The following RAB20 variants were observed in gnomAD, a reference collection of about 807,000 sequenced individuals.
RAB20 encodes the protein RAB20, member RAS oncogene family, also known as ras-related protein Rab-20.
Under a neutral mutation model 3.7 loss-of-function variants are expected in RAB20, and 2 were observed. The observed-to-expected ratio is 0.54, with a 90% confidence interval of 0.22 to 1.69. The LOEUF (loss-of-function observed/expected upper bound fraction) is 1.69, where lower values mean the gene tolerates loss of function less well. RAB20 is among the 40% of genes most tolerant of loss of function. The probability of loss-of-function intolerance (pLI) is 0.19; values close to 1 mark genes in which losing one functional copy is unlikely to be tolerated. For missense variants in RAB20, 276 were observed against 311.9 expected (o/e 0.88, Z 0.87); for synonymous variants, 126 against 130.8 (o/e 0.96, Z 0.25).
chr13:110,552,316 T>G (rs1024112786), intron 1 of RAB20, among the ~76,000 whole-genome samples: 14 of 150,272 alleles, frequency 9.3e-5, no homozygotes, highest in African/African-American at 2.7e-4. Flanking sequence ...GAGGCAGAGG[T>G]TGCAGTGAGC....
At chr13:110,529,165 G>A (rs1232544319) in intron 1 of RAB20, among the ~76,000 whole-genome samples, 4 of 152,236 alleles carry the variant, frequency 2.6e-5, no homozygotes, top group South Asian at 2.1e-4. Flanking sequence ...AAATAAAATG[G>A]TGTCACTACA....
intron 1 of RAB20, among the ~76,000 whole-genome samples, chr13:110,550,525 G>C (rs1370335012): frequency 6.6e-6 from 1 of 152,166 alleles, no homozygotes; most frequent in Non-Finnish European, 1.5e-5. Context: ...GATAGTGGCA[G>C]AATTAAACTG....
intron 1 of RAB20, among the ~76,000 whole-genome samples, chr13:110,534,504 C>A (rs1179132263): frequency 1.3e-5 from 2 of 152,210 alleles, no homozygotes; most frequent in Non-Finnish European, 2.9e-5. Flanking sequence ...CCCTGCCTTG[C>A]CCCTCAGCCA....
At chr13:110,532,588 G>T (rs561339131) in intron 1 of RAB20, among the ~76,000 whole-genome samples, 1 of 152,206 alleles carries the variant, frequency 6.6e-6, no homozygotes, top group East Asian at 1.9e-4. Context: ...TGTTGGCCAG[G>T]CTGGTCTCAA....
chr13:110,535,477 G>GGATCCTTA (rs1884623883), intron 1 of RAB20, among the ~76,000 whole-genome samples: 1 of 152,248 alleles, frequency 6.6e-6, no homozygotes, highest in Admixed American at 6.5e-5. Flanking sequence ...ACGTCTTCAT[G>GGATCCTTA]GATCCTTAAA....
Position 110,561,368 on chromosome 13 carries a change from ATGT to A in RAB20, c.149_151del (p.Asn50del), listed in dbSNP as rs757426835. ...CTCACCTGCGGTGTCCCAGATGGAG[ATGT>A]TGTAGGAGCGCCACTGCTTCAGGTA... On this transcript the variant is annotated inframe_deletion, in exon 1 of 2. Transcript: ENST00000267328. The A allele has an allele frequency of 6.8e-6, 11 of 1,606,582 alleles. No individual in the cohort carries two copies. The South Asian group carries it at 1.2e-4, about 18-fold the overall frequency.
Position 110,523,806 on chromosome 13 carries a change from G to A in RAB20, c.564C>T (p.Tyr188=). ...GGGTCTCAAACAGGAGGTCCACATTGTAGCCGGTCTTGGCGCTGGTCTCAA... is the reference window on the plus strand; with the variant it reads ...GGGTCTCAAACAGGAGGTCCACATTATAGCCGGTCTTGGCGCTGGTCTCAA... ...MCFETSAKTG[Y]NVDLLFETLF... is the part of the protein sequence containing the mutation. Residue 188 remains tyrosine, a synonymous_variant, in exon 2 of 2, where the codon TAC becomes TAT. Coordinates refer to ENST00000267328, the MANE Select transcript of RAB20 (RefSeq NM_017817.3). 1 of 1,614,226 alleles carries A rather than the reference G, an allele frequency of 6.2e-7. No homozygotes were observed. The highest frequency in any genetic ancestry group is 8.5e-7 in the Non-Finnish European group (1 of 1,180,052).
Position 110,524,064 on chromosome 13 carries a change from G to T in RAB20, c.306C>A (p.Ala102=), listed in dbSNP as rs1447205835. ...EDRFLGLTDT[A]SKDCLFAIVG... ...CGATGGCAAAGAGGCAGTCTTTGCT[G>T]GCTGTGTCTGTCAGGCCCAGGAACC... is the stretch of plus-strand genomic sequence containing the variant. The change falls in exon 2 of 2, where the codon GCC becomes GCA. Residue 102 remains alanine, a synonymous_variant. Coordinates refer to ENST00000267328, the MANE Select transcript of RAB20 (RefSeq NM_017817.3). The T allele has an allele frequency of 6.2e-7, 1 of 1,613,976 alleles. No homozygotes were observed. The highest frequency in any genetic ancestry group is 1.1e-5 in the South Asian group (1 of 91,076).
intron 1 of RAB20, among the ~76,000 whole-genome samples, chr13:110,536,252 G>A (rs898069750): frequency 4.6e-5 from 7 of 152,110 alleles, no homozygotes; most frequent in African/African-American, 1.4e-4. Flanking sequence ...CCCTGCCGAC[G>A]CCAGTTCAGA....
At chr13:110,538,990 C>A (rs1235619597) in intron 1 of RAB20, among the ~76,000 whole-genome samples, 1 of 152,202 alleles carries the variant, frequency 6.6e-6, no homozygotes, top group Non-Finnish European at 1.5e-5. Context: ...TTGACAACAA[C>A]CCTACCCCTC....
Position 110,561,487 on chromosome 13 carries a change from C to G in RAB20, c.33G>C (p.Leu11=). The G allele has an allele frequency of 6.3e-7, 1 of 1,592,026 alleles. No homozygotes were observed. The highest frequency in any genetic ancestry group is 8.5e-7 in the Non-Finnish European group (1 of 1,169,868). Residue 11 remains leucine, a synonymous_variant, in exon 1 of 2, where the codon CTG becomes CTC. Transcript: ENST00000267328. MRKPDSKIVL[L]GDMNVGKTSL... is the part of the protein sequence containing the mutation. ...ACGTCTTCCCCACGTTCATGTCCCCCAGGAGCACGATCTTGCTGTCGGGCT... is the reference window on the plus strand; with the variant it reads ...ACGTCTTCCCCACGTTCATGTCCCCGAGGAGCACGATCTTGCTGTCGGGCT...
chr13:110,554,220 G>A (rs1594139460), intron 1 of RAB20, among the ~76,000 whole-genome samples: 1 of 152,212 alleles, frequency 6.6e-6, no homozygotes, highest in Non-Finnish European at 1.5e-5. Context: ...TTTAAAAAAT[G>A]TGCAGTCCTC....
chr13:110,558,080 C>T lies in RAB20; in HGVS notation c.172+3268G>A, dbSNP rs419820. 9.6e-3 allele frequency among the ~76,000 whole-genome samples: 1,469 copies of T among 152,368 alleles called. 29 individuals are homozygous for T. Among genetic ancestry groups the T allele is most frequent in the African/African-American group, 0.033 (1,381 of 41,586 alleles). ...CGAGGGCCCAAACAGTGCCCGGCACCGGGGAGCCTCAGTTTATATTTGCCA... is the reference window on the plus strand; with the variant it reads ...CGAGGGCCCAAACAGTGCCCGGCACTGGGGAGCCTCAGTTTATATTTGCCA... On this transcript the variant is annotated intron_variant, in intron 1 of 1. Coordinates refer to ENST00000267328, the MANE Select transcript of RAB20 (RefSeq NM_017817.3).
intron 1 of RAB20, among the ~76,000 whole-genome samples, chr13:110,543,379 C>T (rs182610217): frequency 1.6e-3 from 249 of 152,332 alleles, no homozygotes; most frequent in African/African-American, 5.7e-3. Flanking sequence ...GATCCTCTGA[C>T]ACCTCGGCCT....
intron 1 of RAB20, among the ~76,000 whole-genome samples, chr13:110,543,060 T>A (rs947258899): frequency 6.6e-6 from 1 of 152,260 alleles, no homozygotes; most frequent in African/African-American, 2.4e-5. Flanking sequence ...GAACATTTTT[T>A]CATATACCTG....
At chr13:110,541,233 A>G (rs560492674) in intron 1 of RAB20, among the ~76,000 whole-genome samples, 1 of 152,328 alleles carries the variant, frequency 6.6e-6, no homozygotes, top group East Asian at 1.9e-4. Context: ...TTCCTCAAGC[A>G]GTGAAAGCTG....
rs1231349057 is a variant in RAB20 at position 110,523,509 on chromosome 13, T to TC, written c.*155dup. On this transcript the variant is annotated 3_prime_UTR_variant, in exon 2 of 2. Transcript: ENST00000267328. ...GAGGAGACCACACACGTTGACCTCCTCTTCATAGCCAGCCATCATTTCCAC... is the reference window on the plus strand; with the variant it reads ...GAGGAGACCACACACGTTGACCTCCTCCTTCATAGCCAGCCATCATTTCCAC... The TC allele has an allele frequency of 7.4e-7, 1 of 1,345,924 alleles. No individual in the cohort carries two copies. The highest frequency in any genetic ancestry group is 9.9e-7 in the Non-Finnish European group (1 of 1,012,370). The allele number at this position is 1,345,924 out of a possible 1,614,324, so 83.4% of individuals were successfully genotyped here.
intron 1 of RAB20, among the ~76,000 whole-genome samples, chr13:110,529,113 G>A (rs1321422343): frequency 6.6e-6 from 1 of 152,202 alleles, no homozygotes; most frequent in Non-Finnish European, 1.5e-5. Context: ...TTTGAGTAGG[G>A]GCTCTGGTAT....
intron 1 of RAB20, among the ~76,000 whole-genome samples, chr13:110,545,560 A>G (rs1305112607): frequency 6.6e-6 from 1 of 152,208 alleles, no homozygotes; most frequent in Admixed American, 6.5e-5. Flanking sequence ...TGAATAAATG[A>G]GCAAGTTCAC....
Sources: allele counts gnomAD v4.1 joint callset (sites outside exome capture counted in the v4.1 genomes callset), GRCh38; gene constraint gnomAD v4.1.1; transcripts MANE v1.5; gene names NCBI Gene and HGNC (gene_info 2026-07-23, HGNC 2026-07-21).